Variants in RFC1 observed in about 807,000 individuals in gnomAD.
RFC1 encodes replication factor C subunit 1.
RFC1 carries 37 observed loss-of-function variants against 137.4 expected under a neutral mutation model. The ratio of observed to expected loss-of-function variants is 0.27; its 90% CI spans 0.21 to 0.35. The LOEUF (loss-of-function observed/expected upper bound fraction) is 0.35. Among genes scored for constraint, RFC1 ranks in the 10% least tolerant of loss-of-function variants. The probability of loss-of-function intolerance (pLI) is 1.00; values close to 1 mark genes in which losing one functional copy is unlikely to be tolerated. For missense variants in RFC1, 1,205 were observed against 1,358.5 expected (o/e 0.89, Z 1.78); for synonymous variants, 429 against 455.7 (o/e 0.94, Z 0.75).
chr4:39,290,154 A>G, intron 23 of RFC1, 115 bp from the exon 24 acceptor site: 1 of 639,974 alleles, frequency 1.6e-6, no homozygotes, highest in South Asian at 2.4e-5. Flanking sequence ...CAAAGTATTT[A>G]TGTATATACA....
intron 1 of RFC1, among the ~76,000 whole-genome samples, chr4:39,355,691 T>A (rs978643979): frequency 6.6e-6 from 1 of 152,168 alleles, no homozygotes; most frequent in Non-Finnish European, 1.5e-5. Flanking sequence ...CGCACTATAC[T>A]GCTGATAAAA....
rs754307909 is a variant in RFC1 at position 39,300,331 on chromosome 4, A to T, written c.2619T>A (p.Phe873Leu). 6.2e-7 allele frequency: 1 copy of T among 1,614,146 alleles called. No homozygotes were observed. The highest frequency in any genetic ancestry group is 2.2e-5 in the East Asian group (1 of 44,888). Residue 873 changes from phenylalanine to leucine, a missense_variant, in exon 20 of 25, where the codon TTT (phenylalanine) becomes TTA (leucine). Phe to Leu is a conservative substitution (Grantham distance 22). Coordinates refer to ENST00000349703, the MANE Select transcript of RFC1 (RefSeq NM_002913.5). ...GGGGTGCTATTGAATAATCATGAAA[A>T]AAGAGATCTGACTTGTCCACAAGTG... ...HMSLVDKSDLFFHDYSIAPLF... is the reference protein window; with the variant it reads ...HMSLVDKSDLLFHDYSIAPLF...
At chr4:39,364,578 G>A (rs999539920) in intron 1 of RFC1, among the ~76,000 whole-genome samples, 1 of 152,142 alleles carries the variant, frequency 6.6e-6, no homozygotes, top group Admixed American at 6.5e-5. Context: ...GACCACACAA[G>A]CTATGTTCAC....
intron 1 of RFC1, among the ~76,000 whole-genome samples, chr4:39,356,796 A>G (rs894584185): frequency 2.6e-5 from 4 of 152,216 alleles, no homozygotes; most frequent in African/African-American, 9.6e-5. Context: ...AAGAAATCAG[A>G]AATATCTCTA....
chr4:39,291,915 T>A (rs1026597106), intron 22 of RFC1, 63 bp from the exon 23 acceptor site: 12 of 1,164,322 alleles, frequency 1.0e-5, no homozygotes, highest in Middle Eastern at 1.9e-4. Context: ...ATACTGTGCA[T>A]AACAGCACTG....
At chr4:39,313,847 C>G (rs144682031) in intron 10 of RFC1, among the ~76,000 whole-genome samples, 3 of 152,246 alleles carry the variant, frequency 2.0e-5, no homozygotes, top group African/African-American at 7.2e-5. Flanking sequence ...ATCGTATTAT[C>G]TCTGGATTGG....
chr4:39,330,213 T>C (rs1740029720), intron 4 of RFC1, among the ~76,000 whole-genome samples: 1 of 152,148 alleles, frequency 6.6e-6, no homozygotes, highest in Non-Finnish European at 1.5e-5. Context: ...TCCCAGGCAC[T>C]GTGTTATCCT....
intron 3 of RFC1, 117 bp from the exon 4 acceptor site, chr4:39,342,584 C>T (rs1027484785): frequency 4.2e-6 from 4 of 949,884 alleles, no homozygotes; most frequent in African/African-American, 3.3e-5. Flanking sequence ...CACATGTCTT[C>T]TGTGAATTCT....
rs529379516 is a variant in RFC1, at chr4:39,311,664, TTAAGA to T, written c.1384-120_1384-116del. On this transcript the variant is annotated intron_variant, in intron 11 of 24. Coordinates refer to ENST00000349703, the MANE Select transcript of RFC1 (RefSeq NM_002913.5). ...GTAGGTGAAAAACCACATTCGTAAA[TTAAGA>T]TAACACTGGAATTAAAAAAGAAAAA... is the stretch of plus-strand genomic sequence containing the variant. 2.4e-4 allele frequency: 148 copies of T among 612,216 alleles called. 1 individual carries two copies. In the East Asian group the frequency reaches 3.7e-3, roughly 15 times the overall value. 37.9% of individuals were successfully genotyped at this position (612,216 alleles called of 1,614,324 possible). A position where few individuals can be genotyped will look rare whatever the true frequency, so the allele number is the denominator to read the frequency against.
At chr4:39,353,269 T>C (rs934297961) in intron 1 of RFC1, among the ~76,000 whole-genome samples, 7 of 151,632 alleles carry the variant, frequency 4.6e-5, no homozygotes, top group Admixed American at 4.6e-4. Context: ...GGCACGGTGG[T>C]GCATGCCTAT....
chr4:39,294,048 A>G (rs1737841400), intron 22 of RFC1, among the ~76,000 whole-genome samples: 1 of 152,182 alleles, frequency 6.6e-6, no homozygotes, highest in Non-Finnish European at 1.5e-5. Flanking sequence ...AACTGCACAG[A>G]TAATCCAGGA....
At chr4:39,300,551 T>C (rs1310494575) in intron 19 of RFC1, 137 bp from the exon 20 acceptor site, 12 of 673,266 alleles carry the variant, frequency 1.8e-5, no homozygotes, top group African/African-American at 3.6e-5. Flanking sequence ...CGTTTGGTAG[T>C]TTCTTACAAA....
intron 12 of RFC1, among the ~76,000 whole-genome samples, chr4:39,309,634 T>C (rs113872649): frequency 3.3e-5 from 5 of 152,148 alleles, no homozygotes; most frequent in Non-Finnish European, 5.9e-5. Flanking sequence ...GGAAAATCCA[T>C]AGAGACAGAG....
At position 39,304,902 on chromosome 4, in the gene RFC1, C is replaced by T; in HGVS notation, c.2022G>A (p.Leu674=). 2 of 1,612,418 alleles carry T rather than the reference C, an allele frequency of 1.2e-6. No homozygotes were observed. The highest frequency in any genetic ancestry group is 1.7e-6 in the Non-Finnish European group (2 of 1,178,476). The change falls in exon 15 of 25, where the codon CTG becomes CTA. Residue 674 remains leucine, a synonymous_variant. Coordinates refer to ENST00000349703, the MANE Select transcript of RFC1 (RefSeq NM_002913.5). ...TCTTACTCCGGGTGTCACTTGCATT[C>T]AGTTCCACGTAGCTGTATCCCAACT... ...CQELGYSYVE[L]NASDTRSKSS... is the part of the protein sequence containing the mutation.
At chr4:39,337,762 C>G (rs997761947) in intron 4 of RFC1, among the ~76,000 whole-genome samples, 4 of 152,082 alleles carry the variant, frequency 2.6e-5, no homozygotes, top group African/African-American at 7.2e-5. Flanking sequence ...TTACACACAT[C>G]CCCAAGAATA....
At chr4:39,312,662 C>T in intron 11 of RFC1, 90 bp downstream of exon 11, 3 of 1,115,234 alleles carry the variant, frequency 2.7e-6, no homozygotes, top group Non-Finnish European at 3.7e-6. Context: ...TTCTTTCCTT[C>T]ATTTAACTCT....
intron 21 of RFC1, among the ~76,000 whole-genome samples, chr4:39,296,527 T>G (rs1237015364): frequency 6.8e-6 from 1 of 146,436 alleles, no homozygotes; most frequent in African/African-American, 2.5e-5. Flanking sequence ...CTTGCAATAG[T>G]TTACTGAGAA....
chr4:39,290,871 C>T (rs917401828), intron 23 of RFC1, among the ~76,000 whole-genome samples: 4 of 151,098 alleles, frequency 2.6e-5, no homozygotes, highest in African/African-American at 9.7e-5. Context: ...CCTTTAATTT[C>T]CACAAAACAC....
intron 4 of RFC1, among the ~76,000 whole-genome samples, chr4:39,330,722 GTTAAA>G (rs1740056685): frequency 1.3e-5 from 2 of 152,172 alleles, no homozygotes; most frequent in Admixed American, 1.3e-4. Context: ...AACCGAAAGA[GTTAAA>G]TTAAAACATA....
Sources: allele counts gnomAD v4.1 joint callset (sites outside exome capture counted in the v4.1 genomes callset), GRCh38; gene constraint gnomAD v4.1.1; transcripts MANE v1.5; gene names NCBI Gene and HGNC (gene_info 2026-07-23, HGNC 2026-07-21).